Variants in AK3 observed in about 807,000 individuals in gnomAD.
AK3 encodes adenylate kinase 3.
Under a neutral mutation model 23.7 loss-of-function variants are expected in AK3, and 27 were observed. The ratio of observed to expected loss-of-function variants is 1.14; its 90% CI spans 0.84 to 1.57. The LOEUF (loss-of-function observed/expected upper bound fraction) is 1.57, where lower values mean the gene tolerates loss of function less well. Among genes scored for constraint, AK3 ranks in the 40% most tolerant of loss-of-function variants. The pLI is 0.00. For synonymous variants in AK3, 159 were observed against 116.0 expected, an observed-to-expected ratio of 1.37 and a Z score of -2.38; for missense variants, 406 against 285.6, an observed-to-expected ratio of 1.42 and a Z score of -3.04.
chr9:4,737,832 T>C (rs1248103291), intron 1 of AK3, among the ~76,000 whole-genome samples: 2 of 152,212 alleles, frequency 1.3e-5, no homozygotes, highest in African/African-American at 2.4e-5. Context: ...GCTTTGCTAC[T>C]GTCAATGAGT....
At chr9:4,714,421 T>G (rs1841665031) in intron 4 of AK3, among the ~76,000 whole-genome samples, 1 of 152,220 alleles carries the variant, frequency 6.6e-6, no homozygotes, top group Non-Finnish European at 1.5e-5. Context: ...CACCCACTGT[T>G]TTCTCGGTAA....
chr9:4,740,587 C>A (rs1587665398), intron 1 of AK3, among the ~76,000 whole-genome samples: 1 of 152,330 alleles, frequency 6.6e-6, no homozygotes, highest in East Asian at 1.9e-4. Context: ...GGCACCAGCA[C>A]GTTGAACAAG....
intron 4 of AK3, among the ~76,000 whole-genome samples, chr9:4,713,441 T>TA (rs1386592668): frequency 1.3e-5 from 2 of 152,194 alleles, no homozygotes; most frequent in African/African-American, 4.8e-5. Flanking sequence ...ATTTTACTAA[T>TA]AAAATCATCC....
In AK3 at chr9:4,729,672, T is replaced by TA. The variant is rs202090353; in HGVS notation, c.152-7048dup. ...AACACAGCAAGATCCTACATCTAAA[T>TA]AAAAAAAATACGGGCATGGTGGTGC... is the stretch of plus-strand genomic sequence containing the variant. On this transcript the variant is annotated intron_variant, in intron 1 of 4. Coordinates refer to ENST00000381809, the MANE Select transcript of AK3 (RefSeq NM_016282.4). Among the ~76,000 whole-genome samples, 431 of 151,082 alleles carry TA rather than the reference T, an allele frequency of 2.9e-3. 2 individuals carry two copies. The highest frequency in any genetic ancestry group is 0.01 in the East Asian group (54 of 5,146).
At chr9:4,732,734 C>T (rs898390652) in intron 1 of AK3, among the ~76,000 whole-genome samples, 2 of 152,226 alleles carry the variant, frequency 1.3e-5, no homozygotes, top group African/African-American at 4.8e-5. Context: ...TTCTGTATCT[C>T]CCTTAAAAGT....
At position 4,735,852 on chromosome 9, in the gene AK3, C is replaced by T. The variant is rs74838469; in HGVS notation, c.151+5085G>A. Among the ~76,000 whole-genome samples the T allele has an allele frequency of 3.5e-3, 535 of 151,934 alleles. 2 individuals are homozygous for T. The highest frequency in any genetic ancestry group is 0.011 in the East Asian group (58 of 5,174). ...GATGAAGGCCAGGTGCAGTAGCTCA[C>T]GCCTGTAATCCCAGAACTTTGAGAA... On this transcript the variant is annotated intron_variant, in intron 1 of 4. Coordinates refer to ENST00000381809, the MANE Select transcript of AK3 (RefSeq NM_016282.4).
intron 1 of AK3, among the ~76,000 whole-genome samples, chr9:4,727,612 C>T (rs1204589160): frequency 1.3e-5 from 2 of 152,130 alleles, no homozygotes; most frequent in Non-Finnish European, 2.9e-5. Context: ...TCTTTCTAGA[C>T]CACTCAAGCT....
At chr9:4,721,222 G>C (rs547599953) in intron 2 of AK3, among the ~76,000 whole-genome samples, 24 of 152,046 alleles carry the variant, frequency 1.6e-4, no homozygotes, top group African/African-American at 5.5e-4. Flanking sequence ...GGCCAACATA[G>C]TGAAACCCTA....
intron 1 of AK3, among the ~76,000 whole-genome samples, chr9:4,740,424 A>G (rs1232488813): frequency 1.3e-5 from 2 of 152,246 alleles, no homozygotes; most frequent in African/African-American, 2.4e-5. Context: ...CAACAAGGGT[A>G]AATAATACTT....
intron 1 of AK3, among the ~76,000 whole-genome samples, chr9:4,731,638 T>C (rs979803314): frequency 2.0e-5 from 3 of 151,836 alleles, no homozygotes; most frequent in Non-Finnish European, 2.9e-5. Context: ...ACATTTCAAA[T>C]ATATTTACCC....
intron 3 of AK3, among the ~76,000 whole-genome samples, chr9:4,718,780 T>G (rs1395539730): frequency 6.6e-6 from 1 of 152,186 alleles, no homozygotes; most frequent in African/African-American, 2.4e-5. Context: ...CTAAGCAGCC[T>G]CTAAGTAAGT....
intron 1 of AK3, among the ~76,000 whole-genome samples, chr9:4,723,097 C>T (rs1841943275): frequency 6.7e-6 from 1 of 150,116 alleles, no homozygotes; most frequent in Admixed American, 6.6e-5. Context: ...ACAAAGGTTA[C>T]AAAATAATCT....
intron 1 of AK3, among the ~76,000 whole-genome samples, chr9:4,729,286 A>G (rs1217813406): frequency 6.6e-6 from 1 of 152,116 alleles, no homozygotes; most frequent in African/African-American, 2.4e-5. Flanking sequence ...CTGTGATTAC[A>G]GGCATGAGCC....
intron 1 of AK3, among the ~76,000 whole-genome samples, chr9:4,731,350 A>G (rs1017232212): frequency 3.3e-5 from 5 of 152,192 alleles, no homozygotes; most frequent in African/African-American, 4.8e-5. Flanking sequence ...GCTCCCACTT[A>G]TAAGTGAGAA....
At chr9:4,728,848 T>TACACACACACACACACACATAC (rs1305610708) in intron 1 of AK3, among the ~76,000 whole-genome samples, 2 of 26,314 alleles carry the variant, frequency 7.6e-5, no homozygotes, top group Non-Finnish European at 2.0e-4. Flanking sequence ...TATATATATA[T>TACACACACACACACACACATAC]ATATATATAT....
intron 1 of AK3, among the ~76,000 whole-genome samples, chr9:4,738,791 A>C (rs1842356343): frequency 1.7e-5 from 2 of 120,264 alleles, no homozygotes; most frequent in South Asian, 5.4e-4. Flanking sequence ...TTTTTGAGAC[A>C]GGGTATCACT....
At chr9:4,735,346 T>C (rs1378033872) in intron 1 of AK3, among the ~76,000 whole-genome samples, 3 of 102,858 alleles carry the variant, frequency 2.9e-5, no homozygotes, top group Non-Finnish European at 3.9e-5. Context: ...TATATATACA[T>C]ATATAAATAT....
chr9:4,726,198 G>A (rs951767733), intron 1 of AK3, among the ~76,000 whole-genome samples: 4 of 152,160 alleles, frequency 2.6e-5, no homozygotes, highest in Non-Finnish European at 2.9e-5. Context: ...GCTGCTGACT[G>A]ATCAGGATGG....
chr9:4,719,100 G>C (rs1841819080), intron 3 of AK3, 35 bp downstream of exon 3: 1 of 1,610,098 alleles, frequency 6.2e-7, no homozygotes, highest in South Asian at 1.1e-5. Context: ...CTCAGGGACA[G>C]TCTGCTATGT....
Sources: allele counts gnomAD v4.1 joint callset (sites outside exome capture counted in the v4.1 genomes callset), GRCh38; gene constraint gnomAD v4.1.1; transcripts MANE v1.5; gene names NCBI Gene and HGNC (gene_info 2026-07-23, HGNC 2026-07-21).